The following CAMKK2 variants were observed in gnomAD, a reference collection of about 807,000 sequenced individuals.
The protein encoded by CAMKK2 is calcium/calmodulin dependent protein kinase kinase 2.
A neutral mutation model predicts 67.2 loss-of-function variants in CAMKK2; 30 were observed. The ratio of observed to expected loss-of-function variants is 0.45; its 90% confidence interval spans 0.33 to 0.61. The LOEUF is 0.61. Among genes scored for constraint, CAMKK2 ranks in the 20% least tolerant of loss-of-function variants. The probability of loss-of-function intolerance (pLI) is 0.02; values close to 1 mark genes in which losing one functional copy is unlikely to be tolerated. For missense variants in CAMKK2, 643 were observed against 802.0 expected, an observed-to-expected ratio of 0.80 and a Z score of 2.39; for synonymous variants, 322 against 326.2, an observed-to-expected ratio of 0.99 and a Z score of 0.14.
intron 14 of CAMKK2, among the ~76,000 whole-genome samples, chr12:121,247,812 C>A (rs1296594780): frequency 6.6e-6 from 1 of 152,168 alleles, no homozygotes; most frequent in Admixed American, 6.5e-5. Context: ...CTGTGCCTTT[C>A]CAGCCAGTCT....
At chr12:121,261,821 T>G (rs1475156524) in intron 6 of CAMKK2, among the ~76,000 whole-genome samples, 1 of 152,190 alleles carries the variant, frequency 6.6e-6, no homozygotes, top group African/African-American at 2.4e-5. Flanking sequence ...CATCACTTCC[T>G]CTAAGAGGCC....
chr12:121,289,324 T>C (rs1015322599), intron 1 of CAMKK2, among the ~76,000 whole-genome samples: 1 of 152,086 alleles, frequency 6.6e-6, no homozygotes, highest in South Asian at 2.1e-4. Flanking sequence ...AAATAATCCC[T>C]TTCCCATTTG....
At position 121,245,078 on chromosome 12, in the gene CAMKK2, G is replaced by T; in HGVS notation, c.1553+62C>A. ...ACCTGTGCAGAGTGGTCTGGGCAGGGCTGCCCCAAGCCTAGCCTCCAGCCA... is the reference window on the plus strand; with the variant it reads ...ACCTGTGCAGAGTGGTCTGGGCAGGTCTGCCCCAAGCCTAGCCTCCAGCCA... On this transcript the variant is annotated intron_variant, in intron 15 of 16. Transcript: ENST00000404169. The surrounding 1 kb of genome is among the most constrained non-coding windows in gnomAD (Gnocchi z 5.8). The T allele has an allele frequency of 8.4e-7, 1 of 1,186,470 alleles. No homozygotes were observed. The highest frequency in any genetic ancestry group is 1.2e-6 in the Non-Finnish European group (1 of 815,354). The allele number at this position is 1,186,470 out of a possible 1,614,324, so 73.5% of individuals were successfully genotyped here.
chr12:121,290,381 T>C (rs1251851742), intron 1 of CAMKK2, among the ~76,000 whole-genome samples: 2 of 152,184 alleles, frequency 1.3e-5, no homozygotes, highest in Non-Finnish European at 2.9e-5. Context: ...TAAAATCACA[T>C]GGGGACCTTC....
rs559328726 is a variant in CAMKK2 at position 121,274,577 on chromosome 12, C to T, written c.-51G>A. 9.8e-6 allele frequency: 13 copies of T among 1,320,928 alleles called. No homozygotes were observed. Among genetic ancestry groups the T allele is most frequent in the African/African-American group, 4.4e-5 (3 of 68,434 alleles). 81.8% of individuals were successfully genotyped at this position (1,320,928 alleles called of 1,614,324 possible). A position where few individuals can be genotyped will look rare whatever the true frequency, so the allele number is the denominator to read the frequency against. ...ACACTGGGGCACTCCCATCCGGCAG[C>T]GGAGCCACCTGCAGAAAGAGAAAGG... is the stretch of plus-strand genomic sequence containing the variant. On this transcript the variant is annotated 5_prime_UTR_variant, in exon 2 of 17. Transcript: ENST00000404169.
intron 2 of CAMKK2, among the ~76,000 whole-genome samples, chr12:121,273,162 G>A (rs1166909987): frequency 6.6e-6 from 1 of 152,156 alleles, no homozygotes; most frequent in Non-Finnish European, 1.5e-5. Context: ...GCAGAGAGAG[G>A]CTGGAGGGTG....
chr12:121,270,143 G>A (rs527495085), intron 3 of CAMKK2, among the ~76,000 whole-genome samples: 6 of 151,816 alleles, frequency 4.0e-5, no homozygotes, highest in Non-Finnish European at 8.8e-5. Flanking sequence ...AGGCCGAGGC[G>A]GGCAGATCAC....
intron 16 of CAMKK2, chr12:121,244,196 A>G: frequency 6.5e-7 from 1 of 1,547,948 alleles, no homozygotes; most frequent in Non-Finnish European, 8.8e-7. Context: ...ACAGTGCAGC[A>G]TGCCTGACCT....
chr12:121,280,308 G>A (rs1151886), intron 1 of CAMKK2, among the ~76,000 whole-genome samples: 21,633 of 152,210 alleles, frequency 0.14, 2,202 homozygotes, highest in African/African-American at 0.29. Flanking sequence ...CACTTCCCCA[G>A]TCAATACCCT....
At chr12:121,276,907 G>C (rs1268672199) in intron 1 of CAMKK2, among the ~76,000 whole-genome samples, 1 of 112,156 alleles carries the variant, frequency 8.9e-6, no homozygotes, top group African/African-American at 3.2e-5. Context: ...CGGGGTGGGG[G>C]GGGGGTCTCT....
At position 121,248,673 on chromosome 12, in the gene CAMKK2, G is replaced by A. The variant is rs200503109; in HGVS notation, c.1385C>T (p.Thr462Met). 20 of 1,614,216 alleles carry A rather than the reference G, an allele frequency of 1.2e-5. No homozygotes were observed. The highest frequency in any genetic ancestry group is 2.2e-5 in the South Asian group (2 of 91,092). Reference protein sequence around the residue: ...EPLPSEDENCTLVEVTEEEVE... With the variant: ...EPLPSEDENCMLVEVTEEEVE... ...CTCCTCTTCAGTCACTTCGACCAGC[G>A]TGCAGTTCTCATCCTCCGACGGCAA... Residue 462 changes from threonine (T) to methionine (M), a missense_variant, in exon 14 of 17, where the codon ACG becomes ATG. Thr to Met is a moderately conservative substitution (Grantham distance 81). Transcript: ENST00000404169.
chr12:121,285,695 C>T lies in CAMKK2; in HGVS notation c.-60+10943G>A, dbSNP rs1265950894. The stretch of plus-strand genomic sequence containing the variant: ...GGCATGGTGGCGTACACCTGTAGTC[C>T]CAGCTACTAGGGAGGCTGAGGTGGG... On this transcript the variant is annotated intron_variant, in intron 1 of 16. Coordinates refer to ENST00000404169, the MANE Select transcript of CAMKK2 (RefSeq NM_001270485.2). This position sits in a 1 kb window ranked among gnomAD's most constrained non-coding sequence, Gnocchi z 4.1. Among the ~76,000 whole-genome samples, 4 of 152,074 alleles carry T rather than the reference C, an allele frequency of 2.6e-5. No individual in the cohort carries two copies. The highest frequency in any genetic ancestry group is 9.7e-5 in the African/African-American group (4 of 41,398).
intron 16 of CAMKK2, among the ~76,000 whole-genome samples, chr12:121,241,816 G>A (rs1345781837): frequency 6.6e-6 from 1 of 152,252 alleles, no homozygotes; most frequent in African/African-American, 2.4e-5. Flanking sequence ...CTCAGTCTCT[G>A]CCCTCGCAGT....
chr12:121,238,738 C>T lies in CAMKK2; in HGVS notation c.*1961G>A, dbSNP rs200637479. On this transcript the variant is annotated 3_prime_UTR_variant, in exon 17 of 17. Coordinates refer to ENST00000404169, the MANE Select transcript of CAMKK2 (RefSeq NM_001270485.2). ...AGAGAAGCCCTGCAGAAGCTCTAAG[C>T]ACTGCTGCCCCCTGGGCCAGCCACC... 1 of 152,688 alleles carries T rather than the reference C, an allele frequency of 6.5e-6. No individual in the cohort carries two copies. The highest frequency in any genetic ancestry group is 6.5e-5 in the Admixed American group (1 of 15,280). The allele number at this position is 152,688 out of a possible 1,614,324, so 9.5% of individuals were successfully genotyped here.
intron 4 of CAMKK2, among the ~76,000 whole-genome samples, chr12:121,268,980 G>A (rs546560910): frequency 3.3e-5 from 5 of 152,272 alleles, no homozygotes; most frequent in South Asian, 4.1e-4. Context: ...TGCTGCCATC[G>A]AATCAAAACA....
chr12:121,261,163 C>T (rs925659572), intron 6 of CAMKK2, among the ~76,000 whole-genome samples: 1 of 152,058 alleles, frequency 6.6e-6, no homozygotes, highest in Non-Finnish European at 1.5e-5. Flanking sequence ...TTGATTTCCT[C>T]GGTGGCGTCC....
intron 1 of CAMKK2, among the ~76,000 whole-genome samples, chr12:121,289,416 A>G (rs562129084): frequency 6.6e-6 from 1 of 152,298 alleles, no homozygotes; most frequent in Admixed American, 6.5e-5. Context: ...CATTTTAAAG[A>G]TGTCTTTTTT....
intron 14 of CAMKK2, among the ~76,000 whole-genome samples, chr12:121,247,480 A>C (rs1889731100): frequency 6.6e-6 from 1 of 152,216 alleles, no homozygotes; most frequent in Non-Finnish European, 1.5e-5. Context: ...CAACTGATTC[A>C]GGACTGAGAA....
intron 3 of CAMKK2, 35 bp downstream of exon 3, chr12:121,270,863 A>G (rs767958898): frequency 6.3e-7 from 1 of 1,578,360 alleles, no homozygotes; most frequent in African/African-American, 1.3e-5. Flanking sequence ...CCCCTGGTGA[A>G]TGCAGAAAGC....
Sources: gnomAD v4.1 joint callset for allele counts (sites outside exome capture counted in the v4.1 genomes callset) on GRCh38, gnomAD v4.1.1 for gene constraint, Gnocchi (gnomAD v3.1) non-coding constraint, MANE v1.5 for transcripts, NCBI Gene and HGNC (gene_info 2026-07-23, HGNC 2026-07-21) for gene names.